LTA4H: variants seen among roughly 807,000 people sequenced by gnomAD.
LTA4H encodes the protein leukotriene A-4 hydrolase.
In LTA4H, 59 loss-of-function variants were observed where a neutral mutation model predicts 89.8. The observed-to-expected ratio is 0.66, with a 90% CI of 0.53 to 0.82. The LOEUF is 0.82. Among genes scored for constraint, LTA4H ranks in the 40% least tolerant of loss-of-function variants. The pLI is 0.00. For synonymous variants in LTA4H, 227 were observed against 253.1 expected (o/e 0.90, Z 0.98); for missense variants, 617 against 727.0 (o/e 0.85, Z 1.74).
chr12:96,036,948 G>T (rs10777767), upstream of LTA4H, among the ~76,000 whole-genome samples: 1 of 151,908 alleles, frequency 6.6e-6, no homozygotes, highest in South Asian at 2.1e-4. Flanking sequence ...GAGATTGCGG[G>T]GCCGGTGCCA....
intron 15 of LTA4H, 49 bp from the exon 16 acceptor site, chr12:96,006,458 T>A (rs1217944935): frequency 9.5e-7 from 1 of 1,053,114 alleles, no homozygotes; most frequent in African/African-American, 1.6e-5. Context: ...AATTTAATAA[T>A]ACTTATTGGT....
intron 10 of LTA4H, among the ~76,000 whole-genome samples, chr12:96,016,168 G>A (rs1933907164): frequency 6.6e-6 from 1 of 151,760 alleles, no homozygotes; most frequent in East Asian, 1.9e-4. Flanking sequence ...ACAAAAATGA[G>A]CTGAGCATGG....
intron 16 of LTA4H, among the ~76,000 whole-genome samples, chr12:96,004,682 C>T (rs956065763): frequency 6.6e-6 from 1 of 152,196 alleles, no homozygotes; most frequent in Non-Finnish European, 1.5e-5. Context: ...CCTTACCTTA[C>T]AGGACTCCAC....
intron 12 of LTA4H, 82 bp downstream of exon 12, chr12:96,014,773 C>A: frequency 1.5e-6 from 2 of 1,331,950 alleles, no homozygotes; most frequent in Non-Finnish European, 2.1e-6. Context: ...TTAAATGGAA[C>A]AAAACAATAG....
intron 5 of LTA4H, 31 bp from the exon 6 acceptor site, chr12:96,021,168 GC>G: frequency 2.0e-6 from 3 of 1,533,676 alleles, no homozygotes; most frequent in Non-Finnish European, 2.6e-6. Context: ...CACACCACGT[GC>G]TTGCATTAGT....
chr12:96,005,026 G>C (rs974491805), intron 16 of LTA4H, among the ~76,000 whole-genome samples: 5 of 152,122 alleles, frequency 3.3e-5, no homozygotes, highest in African/African-American at 1.2e-4. Context: ...CAATTCCACA[G>C]AAAATTCCGC....
intron 16 of LTA4H, among the ~76,000 whole-genome samples, chr12:96,004,868 C>A (rs1352622099): frequency 4.6e-5 from 7 of 152,166 alleles, no homozygotes; most frequent in Admixed American, 6.5e-5. Context: ...TCCAGAATCA[C>A]CCTACCATGT....
intron 13 of LTA4H, 126 bp downstream of exon 13, chr12:96,013,624 T>C: frequency 1.6e-6 from 1 of 615,282 alleles, no homozygotes; most frequent in Non-Finnish European, 2.9e-6. Flanking sequence ...AGAAAAAATA[T>C]GCAATGAGAG....
intron 1 of LTA4H, 39 bp from the exon 2 acceptor site, chr12:96,029,224 A>C (rs777156381): frequency 1.6e-6 from 2 of 1,251,760 alleles, no homozygotes; most frequent in African/African-American, 3.1e-5. Flanking sequence ...AAATAGTTTC[A>C]TTTACCAGAA....
chr12:96,011,753 C>T (rs1351377613), intron 14 of LTA4H: 1 of 151,878 alleles, frequency 6.6e-6, no homozygotes, highest in Admixed American at 6.6e-5. Context: ...CTTTTCTCAC[C>T]ACAGCCAATC....
At chr12:96,025,686 G>A (rs1285821644) in intron 3 of LTA4H, among the ~76,000 whole-genome samples, 1 of 151,976 alleles carries the variant, frequency 6.6e-6, no homozygotes, top group Non-Finnish European at 1.5e-5. Context: ...AATTAGCTGG[G>A]CATGGTGGTG....
chr12:96,007,261 C>T (rs1016771441), intron 15 of LTA4H, among the ~76,000 whole-genome samples: 1 of 152,152 alleles, frequency 6.6e-6, no homozygotes, highest in African/African-American at 2.4e-5. Context: ...CTTCTTTTCC[C>T]TTTACAACTT....
At chr12:96,040,237 A>G (rs1566021706), upstream of LTA4H, among the ~76,000 whole-genome samples, 1 of 152,230 alleles carries the variant, frequency 6.6e-6, no homozygotes, top group Admixed American at 6.5e-5. Flanking sequence ...ACAATTCTGA[A>G]GGTACAAAGT....
upstream of LTA4H, among the ~76,000 whole-genome samples, chr12:96,038,907 A>G (rs1950668559): frequency 6.6e-6 from 1 of 151,292 alleles, no homozygotes; most frequent in African/African-American, 2.4e-5. Context: ...CACAACCACA[A>G]ATAAATTCCT....
chr12:96,007,535 C>T (rs1046241754), intron 15 of LTA4H, among the ~76,000 whole-genome samples: 2 of 152,100 alleles, frequency 1.3e-5, no homozygotes, highest in Non-Finnish European at 1.5e-5. Context: ...TTTTATACAC[C>T]ATATGAATAT....
rs973433371 is a variant in LTA4H, at chr12:96,022,595, C to T, written c.481-344G>A. 6.6e-6 allele frequency among the ~76,000 whole-genome samples: 1 copy of T among 152,104 alleles called. No individual in the cohort carries two copies. Among genetic ancestry groups the T allele is most frequent in the Non-Finnish European group, 1.5e-5 (1 of 68,020 alleles). ...TGAATGTGAAATTTCTATCCATTCA[C>T]CCATGCACATTAAGAGCAGAGTTTT... On this transcript the variant is annotated intron_variant, in intron 4 of 18. Coordinates refer to ENST00000228740, the MANE Select transcript of LTA4H (RefSeq NM_000895.3). This position sits in a 1 kb window ranked among gnomAD's most constrained non-coding sequence, Gnocchi z 4.0.
chr12:96,024,404 T>C, intron 4 of LTA4H, 75 bp downstream of exon 4: 1 of 850,308 alleles, frequency 1.2e-6, no homozygotes, highest in Admixed American at 2.1e-5. Context: ...AATTCAATTA[T>C]CATCTCTGCT....
Position 96,013,659 on chromosome 12 carries a change from ATAC to A in LTA4H, c.1308+88_1308+90del, listed in dbSNP as rs1950336252. On this transcript the variant is annotated intron_variant, in intron 13 of 18. Coordinates refer to ENST00000228740, the MANE Select transcript of LTA4H (RefSeq NM_000895.3). Reference sequence around the variant, plus strand: ...GGTTGAGTCCTAAAGTTCTGAACCAATACTACTATTAGATAATACAAGTTAACC... The same window carrying A: ...GGTTGAGTCCTAAAGTTCTGAACCAATACTATTAGATAATACAAGTTAACC... 4.3e-5 allele frequency: 31 copies of A among 715,142 alleles called. 1 individual carries two copies. The South Asian group carries it at 5.2e-4, about 12-fold the overall frequency. The allele number at this position is 715,142 out of a possible 1,614,324, so 44.3% of individuals were successfully genotyped here.
At chr12:96,037,692 CTTTTT>C (rs1205832896), upstream of LTA4H, among the ~76,000 whole-genome samples, 22 of 114,190 alleles carry the variant, frequency 1.9e-4, no homozygotes, top group African/African-American at 7.3e-4. Flanking sequence ...ATTGAGAAAG[CTTTTT>C]TTTTTTTTTT....
Sources: gnomAD v4.1 joint callset for allele counts (sites outside exome capture counted in the v4.1 genomes callset) on GRCh38, gnomAD v4.1.1 for gene constraint, Gnocchi (gnomAD v3.1) non-coding constraint, MANE v1.5 for transcripts, NCBI Gene and HGNC (gene_info 2026-07-23, HGNC 2026-07-21) for gene names.